TAFA2: variants seen among roughly 807,000 people sequenced by gnomAD.
TAFA2 encodes the protein chemokine-like protein TAFA-2.
In TAFA2, 7 loss-of-function variants were observed where a neutral mutation model predicts 18.8. That is an observed-to-expected ratio of 0.37 (90% CI 0.21 to 0.70). The LOEUF is 0.70. TAFA2 is among the 30% of genes least tolerant of loss of function. The probability of loss-of-function intolerance (pLI) is 0.53; values close to 1 mark genes in which losing one functional copy is unlikely to be tolerated. For synonymous variants in TAFA2, 60 were observed against 54.2 expected (o/e 1.11, Z -0.47); for missense variants, 122 against 158.1 (o/e 0.77, Z 1.23).
intron 1 of TAFA2, among the ~76,000 whole-genome samples, chr12:62,213,367 G>A (rs953556872): frequency 6.6e-6 from 1 of 152,184 alleles, no homozygotes; most frequent in Non-Finnish European, 1.5e-5. Flanking sequence ...AGTTGCAGCT[G>A]GGCGTGGTGG....
At chr12:62,245,238 C>A (rs558321543) in intron 1 of TAFA2, among the ~76,000 whole-genome samples, 1 of 152,150 alleles carries the variant, frequency 6.6e-6, no homozygotes, top group South Asian at 2.1e-4. Flanking sequence ...ATGAATAGTG[C>A]AACATTTCTC....
chr12:62,253,044 T>C (rs1430482962), intron 1 of TAFA2: 1 of 152,214 alleles, frequency 6.6e-6, no homozygotes. Flanking sequence ...AAGGGCTCAA[T>C]ATTGGTCTCT....
At chr12:62,048,214 A>C (rs1216358618) in intron 1 of TAFA2, among the ~76,000 whole-genome samples, 1 of 151,278 alleles carries the variant, frequency 6.6e-6, no homozygotes, top group Non-Finnish European at 1.5e-5. Flanking sequence ...ACAGTTCAGC[A>C]TGGCTGGGGA....
chr12:62,051,788 T>C (rs1342701901), intron 1 of TAFA2, among the ~76,000 whole-genome samples: 1 of 151,888 alleles, frequency 6.6e-6, no homozygotes, highest in African/African-American at 2.4e-5. Flanking sequence ...GAAGTATCCA[T>C]GTAAGGAAAA....
chr12:61,754,786 C>T, intron 3 of TAFA2, 86 bp downstream of exon 3: 1 of 1,336,672 alleles, frequency 7.5e-7, no homozygotes, highest in Non-Finnish European at 1.0e-6. Context: ...CCAGGATTGA[C>T]CTCCCATTGA....
rs530597960 is a variant in TAFA2, at chr12:62,236,947, T to C, written c.-130+21816A>G. ...GTAGTCTTATTCGGGTTGAATCTGT[T>C]TGGTGATATGTGACCTTCCTGTACC... On this transcript the variant is annotated intron_variant, in intron 1 of 5. Coordinates refer to the TAFA2 transcript ENST00000551619. 1.4e-4 allele frequency among the ~76,000 whole-genome samples: 21 copies of C among 152,346 alleles called. No homozygotes were observed. In the South Asian group the frequency reaches 4.3e-3, roughly 32 times the overall value.
At chr12:61,880,904 C>A (rs898284332) in intron 1 of TAFA2, 6 of 161,286 alleles carry the variant, frequency 3.7e-5, no homozygotes, top group South Asian at 1.6e-4. Context: ...TCAGCCCACC[C>A]GCGGCGGGAG....
At chr12:62,187,898 A>C (rs190099909) in intron 1 of TAFA2, among the ~76,000 whole-genome samples, 1 of 152,212 alleles carries the variant, frequency 6.6e-6, no homozygotes, top group Admixed American at 6.5e-5. Context: ...CGATGGAATA[A>C]TTAAATAGTT....
At chr12:61,777,652 C>A (rs773409520) in intron 2 of TAFA2, among the ~76,000 whole-genome samples, 5 of 151,308 alleles carry the variant, frequency 3.3e-5, no homozygotes, top group Non-Finnish European at 5.9e-5. Context: ...TTAGCTCTAC[C>A]ACTTATTTGC....
At chr12:61,933,720 C>A (rs1450987251) in intron 1 of TAFA2, among the ~76,000 whole-genome samples, 1 of 152,098 alleles carries the variant, frequency 6.6e-6, no homozygotes, top group Admixed American at 6.6e-5. Context: ...CAGACCCTGT[C>A]TCTTTATATA....
Position 62,159,488 on chromosome 12 carries a change from C to T in TAFA2, c.-2+31771G>A, listed in dbSNP as rs369397027. Among the ~76,000 whole-genome samples, 3 of 152,236 alleles carry T rather than the reference C, an allele frequency of 2.0e-5. No individual in the cohort carries two copies. The East Asian group carries it at 5.8e-4, about 29-fold the overall frequency. On this transcript the variant is annotated intron_variant, in intron 1 of 4. Transcript: ENST00000416284. ...ACATTCTAAAAGGAACAGACTGTTC[C>T]TTTGAGTGTCAGAAGCCACAATAAA...
At position 61,778,854 on chromosome 12, in the gene TAFA2, G is replaced by A. The variant is rs145555837; in HGVS notation, c.107-23830C>T. The stretch of plus-strand genomic sequence containing the variant: ...CTCCATCACCATCTAGCCCCCATCT[G>A]CTTCTGGGAATGTGCTCTAGAACAA... On this transcript the variant is annotated intron_variant, in intron 2 of 4. Transcript: ENST00000416284. 5.8e-3 allele frequency among the ~76,000 whole-genome samples: 888 copies of A among 151,956 alleles called. 9 individuals carry two copies. Among genetic ancestry groups the A allele is most frequent in the African/African-American group, 0.02 (828 of 41,500 alleles).
At chr12:62,239,370 C>T (rs926296532) in intron 1 of TAFA2, among the ~76,000 whole-genome samples, 6 of 152,176 alleles carry the variant, frequency 3.9e-5, no homozygotes, top group African/African-American at 1.4e-4. Flanking sequence ...CATTAGTATG[C>T]TAATGGCCCC....
chr12:61,934,289 T>C (rs1229325421), intron 1 of TAFA2, among the ~76,000 whole-genome samples: 1 of 152,150 alleles, frequency 6.6e-6, no homozygotes, highest in African/African-American at 2.4e-5. Flanking sequence ...AAGAGAATAC[T>C]AGCACCCCTA....
At chr12:61,827,166 C>T (rs1872562758) in intron 2 of TAFA2, 1 of 152,050 alleles carries the variant, frequency 6.6e-6, no homozygotes, top group Non-Finnish European at 1.5e-5. Context: ...TCTCCTTCCC[C>T]TGCATTTTTG....
intron 1 of TAFA2, among the ~76,000 whole-genome samples, chr12:61,962,641 T>C (rs1878926509): frequency 6.6e-6 from 1 of 152,062 alleles, no homozygotes; most frequent in East Asian, 1.9e-4. Context: ...GAAGAGTATA[T>C]GAAAAAAGTC....
chr12:61,788,828 T>C (rs1465812186), intron 2 of TAFA2, among the ~76,000 whole-genome samples: 2 of 151,720 alleles, frequency 1.3e-5, no homozygotes, highest in Non-Finnish European at 1.5e-5. Context: ...ACTATCAAGA[T>C]TGAAACAGGA....
chr12:62,097,719 G>C (rs1051078589), intron 1 of TAFA2, among the ~76,000 whole-genome samples: 4 of 152,184 alleles, frequency 2.6e-5, no homozygotes, highest in African/African-American at 9.7e-5. Flanking sequence ...TCTTCTCAGT[G>C]AGTTTATTCT....
chr12:61,924,173 T>G lies in TAFA2; in HGVS notation c.-1-56747A>C, dbSNP rs1215448371. ...AAGTTGGAAAACGCACTTCAAGATATTATCCAGGAGAACTTCCCCAACCTA... is the reference window on the plus strand; with the variant it reads ...AAGTTGGAAAACGCACTTCAAGATAGTATCCAGGAGAACTTCCCCAACCTA... On this transcript the variant is annotated intron_variant, in intron 1 of 4. Coordinates refer to ENST00000416284, the MANE Select transcript of TAFA2 (RefSeq NM_178539.5). 2.6e-5 allele frequency among the ~76,000 whole-genome samples: 4 copies of G among 152,002 alleles called. No homozygotes were observed. The East Asian group carries it at 5.8e-4, about 22-fold the overall frequency.
Sources: allele counts gnomAD v4.1 joint callset (sites outside exome capture counted in the v4.1 genomes callset), GRCh38; gene constraint gnomAD v4.1.1; transcripts MANE v1.5; gene names NCBI Gene and HGNC (gene_info 2026-07-23, HGNC 2026-07-21).